Variants in FBXO25 observed in about 807,000 individuals in gnomAD.
FBXO25 encodes the protein F-box protein 25, also known as F-box only protein 25.
FBXO25 carries 45 observed loss-of-function variants against 51.9 expected under a neutral mutation model. The observed-to-expected ratio is 0.87, with a 90% CI of 0.68 to 1.11. FBXO25 has a LOEUF of 1.11. Among genes scored for constraint, FBXO25 ranks in the 50% most tolerant of loss-of-function variants. FBXO25 has a pLI of 0.00. For synonymous variants in FBXO25, 199 were observed against 151.0 expected (o/e 1.32, Z -2.33); for missense variants, 507 against 428.5 (o/e 1.18, Z -1.62).
chr8:425,229 A>T (rs553865385), intron 2 of FBXO25, among the ~76,000 whole-genome samples: 2 of 151,724 alleles, frequency 1.3e-5, no homozygotes, highest in African/African-American at 4.8e-5. Context: ...TAATCTTTAT[A>T]GTTTTATCAC....
At chr8:410,667 C>G (rs757460115) in intron 1 of FBXO25, among the ~76,000 whole-genome samples, 11 of 152,040 alleles carry the variant, frequency 7.2e-5, no homozygotes, top group Admixed American at 2.0e-4. Context: ...AACTTTAGGT[C>G]GACTGAACAT....
chr8:466,408 C>T (rs1175294901), intron 9 of FBXO25, among the ~76,000 whole-genome samples: 2 of 152,212 alleles, frequency 1.3e-5, no homozygotes, highest in African/African-American at 2.4e-5. Context: ...AGCAGTCCTG[C>T]ACCTGGAAAC....
intron 7 of FBXO25, among the ~76,000 whole-genome samples, chr8:453,698 C>A (rs538797631): frequency 1.3e-5 from 2 of 152,100 alleles, no homozygotes; most frequent in Non-Finnish European, 2.9e-5. Flanking sequence ...AGAGCCTTCC[C>A]GGATCCCTGA....
rs1356559566 is a variant in FBXO25, at chr8:450,084, GT to G, written c.475+2del. ...ATTTTGGATAAAATCGTTCAAAAGG[GT>G]AAGATGATCACTGTATTTTTAATAC... On this transcript the variant is annotated splice_donor_variant, in intron 6 of 9. Coordinates refer to ENST00000350302, the MANE Select transcript of FBXO25 (RefSeq NM_183420.2). LOFTEE classifies it high-confidence loss of function. The G allele has an allele frequency of 1.9e-6, 3 of 1,601,542 alleles. No homozygotes were observed. Among genetic ancestry groups the G allele is most frequent in the Non-Finnish European group, 2.6e-6 (3 of 1,170,594 alleles).
In FBXO25 at chr8:474,729, A is replaced by G. The variant is rs756742523; in HGVS notation, c.*5925A>G. Reference sequence around the variant, plus strand: ...TTTTCAATCAGGTGTGTGTTTTTATATGTTCTGGGTATTCACCCTTTTCAG... The same window carrying G: ...TTTTCAATCAGGTGTGTGTTTTTATGTGTTCTGGGTATTCACCCTTTTCAG... On this transcript the variant is annotated 3_prime_UTR_variant, in exon 10 of 10. Coordinates refer to ENST00000350302, the MANE Select transcript of FBXO25 (RefSeq NM_183420.2). The G allele has an allele frequency of 8.8e-6, 4 of 456,474 alleles. No individual in the cohort carries two copies. Among genetic ancestry groups the G allele is most frequent in the South Asian group, 3.1e-5 (2 of 64,460 alleles). 28.3% of individuals were successfully genotyped at this position (456,474 alleles called of 1,614,324 possible). A position where few individuals can be genotyped will look rare whatever the true frequency, so the allele number is the denominator to read the frequency against.
chr8:458,685 AG>A (rs1311212468), intron 8 of FBXO25, 134 bp downstream of exon 8: 2 of 819,520 alleles, frequency 2.4e-6, no homozygotes, highest in Non-Finnish European at 3.8e-6. Context: ...GAACAATCAG[AG>A]TTTATTGAGA....
chr8:463,202 A>G (rs763597845), intron 9 of FBXO25, 52 bp downstream of exon 9: 2 of 1,574,724 alleles, frequency 1.3e-6, no homozygotes, highest in African/African-American at 1.4e-5. Context: ...TTGGTGAAAC[A>G]AACTAATCAC....
chr8:432,799 A>C, intron 3 of FBXO25, 87 bp from the exon 4 acceptor site: 1 of 1,377,932 alleles, frequency 7.3e-7, no homozygotes, highest in South Asian at 1.5e-5. Flanking sequence ...TAATTTTGTT[A>C]ACATGTCCAA....
chr8:468,345 C>T, intron 9 of FBXO25: 1 of 866,986 alleles, frequency 1.2e-6, no homozygotes, highest in Non-Finnish European at 1.4e-6. Flanking sequence ...GAGGACAGGA[C>T]AAAGGAATGG....
At chr8:449,426 T>C (rs1013970660) in intron 5 of FBXO25, among the ~76,000 whole-genome samples, 2 of 152,242 alleles carry the variant, frequency 1.3e-5, no homozygotes, top group African/African-American at 4.8e-5. Context: ...AGAATACAAA[T>C]TCTACAATTT....
intron 9 of FBXO25, chr8:467,990 C>A: frequency 7.3e-7 from 1 of 1,363,930 alleles, no homozygotes; most frequent in Non-Finnish European, 9.5e-7. Context: ...TAGATGTGCG[C>A]ATAAACACTT....
intron 4 of FBXO25, among the ~76,000 whole-genome samples, chr8:434,251 A>G (rs942178466): frequency 4.6e-5 from 7 of 152,094 alleles, no homozygotes; most frequent in Non-Finnish European, 1.0e-4. Flanking sequence ...CCGAGGTTAC[A>G]TGCTGTGGTT....
intron 6 of FBXO25, 79 bp downstream of exon 6, chr8:450,162 C>T: frequency 3.9e-6 from 4 of 1,020,382 alleles, no homozygotes; most frequent in Middle Eastern, 3.0e-4. Flanking sequence ...TTTCTTTTAT[C>T]TTTACCCAGT....
chr8:434,749 A>G (rs1563076378), intron 4 of FBXO25, among the ~76,000 whole-genome samples: 1 of 152,230 alleles, frequency 6.6e-6, no homozygotes, highest in African/African-American at 2.4e-5. Flanking sequence ...GAGGATGAAG[A>G]TGGAGTTTAA....
In FBXO25 at chr8:476,912, A is replaced by G. The variant is rs530920461; in HGVS notation, c.*8108A>G. ...AATTTAGGGTTGACTTGAGATCTTA[A>G]TTTGTTTAATAGGTGTATTTACAGT... On this transcript the variant is annotated 3_prime_UTR_variant, in exon 10 of 10. Transcript: ENST00000350302. 1 of 152,078 alleles carries G rather than the reference A, an allele frequency of 6.6e-6. No homozygotes were observed. The highest frequency in any genetic ancestry group is 2.1e-4 in the South Asian group (1 of 4,820). The allele number at this position is 152,078 out of a possible 1,614,324, so 9.4% of individuals were successfully genotyped here. A position where few individuals can be genotyped will look rare whatever the true frequency, so the allele number is the denominator to read the frequency against.
intron 2 of FBXO25, among the ~76,000 whole-genome samples, chr8:418,406 C>T (rs1337980500): frequency 8.6e-6 from 1 of 116,504 alleles, no homozygotes; most frequent in African/African-American, 3.3e-5. Flanking sequence ...GTGGCATGAT[C>T]TCGGCTCACT....
At chr8:452,925 T>C (rs952381034) in intron 7 of FBXO25, among the ~76,000 whole-genome samples, 23 of 152,318 alleles carry the variant, frequency 1.5e-4, no homozygotes, top group African/African-American at 5.1e-4. Flanking sequence ...TTCTGGATCT[T>C]CTTTCCATTC....
chr8:411,090 G>A (rs1299299371), intron 1 of FBXO25, among the ~76,000 whole-genome samples: 1 of 152,000 alleles, frequency 6.6e-6, no homozygotes, highest in African/African-American at 2.4e-5. Flanking sequence ...TATTCTCCAT[G>A]ATGTAAATAT....
chr8:474,926 G>C lies in FBXO25; in HGVS notation c.*6122G>C, dbSNP rs990882383. ...CAGATATATCATTTTAAAATACTTTGTCCCATTCCGTGGATTGCCTTTCAC... is the reference window on the plus strand; with the variant it reads ...CAGATATATCATTTTAAAATACTTTCTCCCATTCCGTGGATTGCCTTTCAC... On this transcript the variant is annotated 3_prime_UTR_variant, in exon 10 of 10. Transcript: ENST00000350302. The C allele has an allele frequency of 4.5e-6, 2 of 443,492 alleles. No individual in the cohort carries two copies. The highest frequency in any genetic ancestry group is 3.1e-5 in the South Asian group (2 of 63,546). The allele number at this position is 443,492 out of a possible 1,614,324, so 27.5% of individuals were successfully genotyped here.
Sources: allele counts gnomAD v4.1 joint callset (sites outside exome capture counted in the v4.1 genomes callset), GRCh38; gene constraint gnomAD v4.1.1; transcripts MANE v1.5; gene names NCBI Gene and HGNC (gene_info 2026-07-23, HGNC 2026-07-21).